The following NRXN1 variants were observed in gnomAD, a reference collection of about 807,000 sequenced individuals.
NRXN1 encodes the protein neurexin-1.
Under a neutral mutation model 150.9 loss-of-function variants are expected in NRXN1, and 39 were observed. The ratio of observed to expected loss-of-function variants is 0.26; its 90% CI spans 0.20 to 0.34. The LOEUF (loss-of-function observed/expected upper bound fraction) is 0.34. NRXN1 is among the 10% of genes least tolerant of loss of function. NRXN1 has a pLI of 1.00. For synonymous variants in NRXN1, 924 were observed against 757.0 expected (o/e 1.22, Z -3.62); for missense variants, 1,815 against 1,949.9 (o/e 0.93, Z 1.30).
chr2:50,476,618 C>A (rs1481280703), intron 15 of NRXN1, among the ~76,000 whole-genome samples: 1 of 152,072 alleles, frequency 6.6e-6, no homozygotes, highest in Non-Finnish European at 1.5e-5. Context: ...GCTGATTCCA[C>A]TGAGAAATGC....
chr2:51,004,109 A>C (rs2105119572), intron 2 of NRXN1, among the ~76,000 whole-genome samples: 1 of 151,794 alleles, frequency 6.6e-6, no homozygotes, highest in East Asian at 2.0e-4. Context: ...CCATATATCC[A>C]GGTTTCCGGA....
At chr2:50,904,175 T>C (rs1487545667) in intron 5 of NRXN1, among the ~76,000 whole-genome samples, 1 of 152,112 alleles carries the variant, frequency 6.6e-6, no homozygotes, top group Non-Finnish European at 1.5e-5. Context: ...AACTGAAGAA[T>C]CCAGTTTGTT....
intron 10 of NRXN1, among the ~76,000 whole-genome samples, chr2:50,535,137 T>C (rs1400802621): frequency 6.6e-6 from 1 of 152,224 alleles, no homozygotes; most frequent in African/African-American, 2.4e-5. Context: ...CACAGGGTTG[T>C]AGTCTAGAGT....
intron 22 of NRXN1, among the ~76,000 whole-genome samples, chr2:49,941,903 C>A (rs572391672): frequency 6.6e-6 from 1 of 152,002 alleles, no homozygotes. Context: ...GGCATGTGAG[C>A]GTAGAAGAAA....
At chr2:50,924,070 T>C (rs1686498502) in intron 3 of NRXN1, among the ~76,000 whole-genome samples, 1 of 151,820 alleles carries the variant, frequency 6.6e-6, no homozygotes, top group Non-Finnish European at 1.5e-5. Flanking sequence ...TTTGTCCAGG[T>C]TACATATTTT....
At chr2:50,034,751 T>C (rs1689758391) in intron 21 of NRXN1, among the ~76,000 whole-genome samples, 2 of 152,068 alleles carry the variant, frequency 1.3e-5, no homozygotes, top group African/African-American at 4.8e-5. Context: ...GTTTTGTATA[T>C]GACTCAAACC....
intron 17 of NRXN1, among the ~76,000 whole-genome samples, chr2:50,249,536 C>T (rs1468975957): frequency 1.3e-5 from 2 of 152,024 alleles, no homozygotes; most frequent in East Asian, 3.9e-4. Context: ...ATGTATAAAG[C>T]ACCATGCTAG....
intron 5 of NRXN1, among the ~76,000 whole-genome samples, chr2:50,891,399 T>C (rs1286535000): frequency 6.6e-6 from 1 of 152,082 alleles, no homozygotes; most frequent in African/African-American, 2.4e-5. Flanking sequence ...CATAACCTTC[T>C]TTCCTTTTTC....
At chr2:50,185,486 G>A (rs1243432239) in intron 18 of NRXN1, 1 of 151,956 alleles carries the variant, frequency 6.6e-6, no homozygotes, top group African/African-American at 2.4e-5. Flanking sequence ...TTCCTAAGTG[G>A]GGCCATGTCA....
At chr2:50,245,480 A>G (rs1313148354) in intron 17 of NRXN1, among the ~76,000 whole-genome samples, 2 of 151,996 alleles carry the variant, frequency 1.3e-5, no homozygotes, top group Non-Finnish European at 2.9e-5. Flanking sequence ...CTCAGTAATC[A>G]ATTTGTATTA....
chr2:50,651,109 A>C (rs1009104657), intron 5 of NRXN1, among the ~76,000 whole-genome samples: 4 of 152,064 alleles, frequency 2.6e-5, no homozygotes, highest in Non-Finnish European at 5.9e-5. Context: ...TGACCCAAAT[A>C]AATTGTAAGG....
intron 5 of NRXN1, among the ~76,000 whole-genome samples, chr2:50,779,629 G>C (rs553200744): frequency 6.6e-6 from 1 of 152,016 alleles, no homozygotes; most frequent in African/African-American, 2.4e-5. Flanking sequence ...TTAGCTGGGC[G>C]TGGTGGCGGG....
chr2:50,790,819 A>G lies in NRXN1; in HGVS notation c.832+131050T>C, dbSNP rs368322559. Among the ~76,000 whole-genome samples the G allele has an allele frequency of 1.3e-4, 20 of 152,260 alleles. No homozygotes were observed. In the East Asian group the frequency reaches 3.7e-3, roughly 28 times the overall value. On this transcript the variant is annotated intron_variant, in intron 5 of 22. Transcript: ENST00000401669. ...TGACTGGGAGGGTTTTCTTCCCCCT[A>G]AAGAATGCTGAATAAACTGTGTATT...
At chr2:50,014,489 A>G (rs908500651) in intron 21 of NRXN1, among the ~76,000 whole-genome samples, 1 of 152,164 alleles carries the variant, frequency 6.6e-6, no homozygotes, top group African/African-American at 2.4e-5. Context: ...TCTATTCACC[A>G]GATGCCAGTA....
intron 17 of NRXN1, among the ~76,000 whole-genome samples, chr2:50,272,908 T>G (rs2069891373): frequency 6.6e-6 from 1 of 151,934 alleles, no homozygotes; most frequent in African/African-American, 2.4e-5. Context: ...GAATTTGTAA[T>G]ACATAAAGAA....
At position 50,053,850 on chromosome 2, in the gene NRXN1, T is replaced by C. The variant is rs569685764; in HGVS notation, c.3809-260A>G. On this transcript the variant is annotated intron_variant, in intron 20 of 22. Coordinates refer to ENST00000401669, the MANE Select transcript of NRXN1 (RefSeq NM_001330078.2). The stretch of plus-strand genomic sequence containing the variant: ...TCAAAGATATGTATTACAAATCAGT[T>C]TTTAGTGGATCCCTTTTCCCTTTTA... Among the ~76,000 whole-genome samples, 114 of 152,316 alleles carry C rather than the reference T, an allele frequency of 7.5e-4. 1 individual carries two copies. In the South Asian group the frequency reaches 0.022, roughly 30 times the overall value.
At chr2:50,072,089 C>A (rs1479054726) in intron 19 of NRXN1, among the ~76,000 whole-genome samples, 1 of 152,092 alleles carries the variant, frequency 6.6e-6, no homozygotes, top group East Asian at 1.9e-4. Context: ...GTATATAGAA[C>A]AACTTTTCCA....
At chr2:50,297,506 A>G (rs779483149) in intron 17 of NRXN1, among the ~76,000 whole-genome samples, 5 of 152,188 alleles carry the variant, frequency 3.3e-5, no homozygotes, top group Non-Finnish European at 5.9e-5. Flanking sequence ...TCCAAGTTCA[A>G]AAAAAGCTTT....
At chr2:50,657,234 C>G (rs11125323) in intron 5 of NRXN1, among the ~76,000 whole-genome samples, 1 of 151,954 alleles carries the variant, frequency 6.6e-6, no homozygotes, top group Admixed American at 6.6e-5. Flanking sequence ...ATAAGCCAGA[C>G]AGTTCCCTGG....
Sources: allele counts gnomAD v4.1 joint callset (sites outside exome capture counted in the v4.1 genomes callset), GRCh38; gene constraint gnomAD v4.1.1; transcripts MANE v1.5; gene names NCBI Gene and HGNC (gene_info 2026-07-23, HGNC 2026-07-21).